TOP1MT: variants seen among roughly 807,000 people sequenced by gnomAD.
The protein encoded by TOP1MT is DNA topoisomerase I, mitochondrial.
TOP1MT carries 80 observed loss-of-function variants against 73.9 expected under a neutral mutation model. That is an observed-to-expected ratio of 1.08 (90% confidence interval 0.90 to 1.30). The LOEUF is 1.30. TOP1MT is among the 50% of genes most tolerant of loss of function. The pLI is 0.00. For missense variants in TOP1MT, 815 were observed against 808.0 expected, an observed-to-expected ratio of 1.01 and a Z score of -0.10; for synonymous variants, 338 against 326.4, an observed-to-expected ratio of 1.04 and a Z score of -0.38.
chr8:143,335,391 C>A (rs1318389997), upstream of TOP1MT, among the ~76,000 whole-genome samples: 2 of 152,222 alleles, frequency 1.3e-5, no homozygotes. Flanking sequence ...CACAGCAGCC[C>A]CTCAGAGGTG....
chr8:143,309,922 C>T, intron 13 of TOP1MT, 146 bp downstream of exon 13: 1 of 1,591,034 alleles, frequency 6.3e-7, no homozygotes, highest in Non-Finnish European at 8.5e-7. Context: ...CAGGACTCAG[C>T]ATCATGGGTC....
upstream of TOP1MT, among the ~76,000 whole-genome samples, chr8:143,337,911 G>A (rs766465804): frequency 6.6e-6 from 1 of 152,116 alleles, no homozygotes; most frequent in Non-Finnish European, 1.5e-5. Flanking sequence ...TCCCTGTTTG[G>A]TTCTGTTCTG....
chr8:143,316,688 G>A (rs906685846), intron 10 of TOP1MT, among the ~76,000 whole-genome samples: 3 of 152,058 alleles, frequency 2.0e-5, no homozygotes, highest in Non-Finnish European at 4.4e-5. Flanking sequence ...ATCCCCTCAA[G>A]GTACCACGTT....
chr8:143,326,701 G>A (rs564647910), intron 3 of TOP1MT, among the ~76,000 whole-genome samples: 1 of 152,238 alleles, frequency 6.6e-6, no homozygotes, highest in Non-Finnish European at 1.5e-5. Context: ...AAACCCGGAT[G>A]ACGACCGCAC....
upstream of TOP1MT, among the ~76,000 whole-genome samples, chr8:143,348,793 G>T (rs1817273182): frequency 6.6e-6 from 1 of 152,158 alleles, no homozygotes; most frequent in African/African-American, 2.4e-5. This position sits in a 1 kb window ranked among gnomAD's most constrained non-coding sequence, Gnocchi z 4.6. Context: ...CCAGAAAACG[G>T]CCCTTGGTCC....
At chr8:143,312,217 A>G (rs1239915659) in intron 12 of TOP1MT, among the ~76,000 whole-genome samples, 1 of 152,180 alleles carries the variant, frequency 6.6e-6, no homozygotes, top group East Asian at 1.9e-4. Flanking sequence ...ATTATATTAA[A>G]TATTATTCAA....
intron 2 of TOP1MT, among the ~76,000 whole-genome samples, chr8:143,342,874 T>A (rs1817155590): frequency 6.6e-6 from 1 of 151,232 alleles, no homozygotes; most frequent in Non-Finnish European, 1.5e-5. Flanking sequence ...AACCTCTGCC[T>A]CCCGGGTTCA....
intron 2 of TOP1MT, 55 bp from the exon 3 acceptor site, chr8:143,329,526 A>T: frequency 6.3e-7 from 1 of 1,583,096 alleles, no homozygotes; most frequent in Admixed American, 2.0e-5. Context: ...CTCGGCCTCC[A>T]GCTGACATGA....
intron 1 of TOP1MT, chr8:143,334,009 G>C (rs978302771): frequency 6.6e-6 from 1 of 152,294 alleles, no homozygotes; most frequent in Non-Finnish European, 1.5e-5. Context: ...TGCTGATAGC[G>C]CACCACCAGG....
intron 7 of TOP1MT, among the ~76,000 whole-genome samples, 177 bp from the exon 8 acceptor site, chr8:143,321,563 A>ACACGCACGCCACACACGCACGCCACACG (rs1563757820): frequency 1.0e-5 from 1 of 99,458 alleles, no homozygotes; most frequent in African/African-American, 3.3e-5. Flanking sequence ...CACGCCACAC[A>ACACGCACGCCACACACGCACGCCACACG]CACGCACGCC....
At chr8:143,325,607 C>G in intron 4 of TOP1MT, 74 bp from the exon 5 acceptor site, 1 of 1,380,378 alleles carries the variant, frequency 7.2e-7, no homozygotes, top group South Asian at 1.3e-5. Context: ...TGTTGCTAAC[C>G]CGGGACCACC....
At chr8:143,358,437 C>T (rs1817447878), upstream of TOP1MT, 2 of 152,254 alleles carry the variant, frequency 1.3e-5, no homozygotes. Flanking sequence ...ACAGCTCCTT[C>T]CACCCCATTC....
rs1481679343 is a variant in TOP1MT, at chr8:143,318,789, C to A, written c.1147-703G>T. ...TCAGCCTGGCACCATGGCTGATGAA[C>A]CCCATTCTACAAACCCACAGGCACC... On this transcript the variant is annotated intron_variant, in intron 8 of 13. Transcript: ENST00000329245. 2.0e-5 allele frequency among the ~76,000 whole-genome samples: 3 copies of A among 152,166 alleles called. No individual in the cohort carries two copies. The South Asian group carries it at 6.2e-4, about 32-fold the overall frequency.
At chr8:143,338,421 G>A (rs1267576928), upstream of TOP1MT, among the ~76,000 whole-genome samples, 2 of 152,014 alleles carry the variant, frequency 1.3e-5, no homozygotes, top group Non-Finnish European at 2.9e-5. Context: ...TTCAAAATTA[G>A]CTAGGCGTGG....
At chr8:143,330,425 A>G (rs991694804) in intron 2 of TOP1MT, among the ~76,000 whole-genome samples, 12 of 152,242 alleles carry the variant, frequency 7.9e-5, no homozygotes, top group Non-Finnish European at 1.5e-4. Context: ...CAGCCCCCAC[A>G]GACACAGCTA....
upstream of TOP1MT, among the ~76,000 whole-genome samples, chr8:143,358,042 A>C (rs1440376973): frequency 6.6e-6 from 1 of 152,164 alleles, no homozygotes; most frequent in Non-Finnish European, 1.5e-5. Context: ...AACTATGATC[A>C]CCACTGCACT....
At chr8:143,358,203 C>G (rs879891128), upstream of TOP1MT, among the ~76,000 whole-genome samples, 3 of 152,342 alleles carry the variant, frequency 2.0e-5, no homozygotes, top group Admixed American at 2.0e-4. Flanking sequence ...TCACTTTGAG[C>G]TTCTTTGCAT....
upstream of TOP1MT, among the ~76,000 whole-genome samples, chr8:143,347,679 A>AGCAG (rs202023494): frequency 0.083 from 11,083 of 133,144 alleles, 1,425 homozygotes; most frequent in African/African-American, 0.27. Flanking sequence ...TTGAAACCAC[A>AGCAG]GCAGGCAGGC....
chr8:143,341,899 G>A lies in TOP1MT; in HGVS notation c.29+1321C>T, dbSNP rs1043294305. 3.3e-5 allele frequency among the ~76,000 whole-genome samples: 5 copies of A among 151,772 alleles called. No homozygotes were observed. The highest frequency in any genetic ancestry group is 1.2e-4 in the African/African-American group (5 of 41,188). On this transcript the variant is annotated intron_variant, in intron 2 of 5. Coordinates refer to the TOP1MT transcript ENST00000518007. The surrounding 1 kb of genome is among the most constrained non-coding windows in gnomAD (Gnocchi z 4.1). ...CTTCTTCTTCTTCTTATTAGCGACA[G>A]AGTCTCACTCTGTTATTATTATTAT...
Sources: allele counts gnomAD v4.1 joint callset (sites outside exome capture counted in the v4.1 genomes callset), GRCh38; gene constraint gnomAD v4.1.1; non-coding constraint Gnocchi (gnomAD v3.1); transcripts MANE v1.5; gene names NCBI Gene and HGNC (gene_info 2026-07-23, HGNC 2026-07-21).